RAB3C: variants seen among roughly 807,000 people sequenced by gnomAD.
The protein encoded by RAB3C is ras-related protein Rab-3C.
In RAB3C, 17 loss-of-function variants were observed where a neutral mutation model predicts 26.4. That is an observed-to-expected ratio of 0.64 (90% CI 0.44 to 0.97). The LOEUF is 0.97. Among genes scored for constraint, RAB3C ranks in the 50% least tolerant of loss-of-function variants. The pLI is 0.00. For missense variants in RAB3C, 242 were observed against 281.9 expected (o/e 0.86, Z 1.01); for synonymous variants, 91 against 95.9 (o/e 0.95, Z 0.30).
rs193108890 is a variant in RAB3C at position 58,668,985 on chromosome 5, A to G, written c.252+51115A>G. Among the ~76,000 whole-genome samples, 517 of 152,240 alleles carry G rather than the reference A, an allele frequency of 3.4e-3. 6 individuals carry two copies. Among genetic ancestry groups the G allele is most frequent in the Non-Finnish European group, 4.7e-3 (319 of 68,018 alleles). ...TCCTGGCTTACAGTTGGAGATGGCC[A>G]TCTTCTTGCTGCATACAGAGGAAGA... On this transcript the variant is annotated intron_variant, in intron 2 of 4. Coordinates refer to ENST00000282878, the MANE Select transcript of RAB3C (RefSeq NM_138453.4).
At chr5:58,812,052 C>T (rs1313703674) in intron 3 of RAB3C, among the ~76,000 whole-genome samples, 1 of 152,130 alleles carries the variant, frequency 6.6e-6, no homozygotes, top group Non-Finnish European at 1.5e-5. Flanking sequence ...ACATCATCAA[C>T]AAATAGTAAG....
intron 1 of RAB3C, among the ~76,000 whole-genome samples, chr5:58,583,994 T>A (rs1745961481): frequency 1.3e-5 from 2 of 152,358 alleles, no homozygotes; most frequent in Non-Finnish European, 2.9e-5. Flanking sequence ...TAAGTAAAGA[T>A]GAGTGATAAT....
intron 2 of RAB3C, among the ~76,000 whole-genome samples, chr5:58,693,363 A>ATATATATATATATATATATAT (rs1561291444): frequency 1.1e-5 from 1 of 93,720 alleles, no homozygotes; most frequent in African/African-American, 7.0e-5. Context: ...TATATATATA[A>ATATATATATATATATATATAT]AATTTCTTAA....
At chr5:58,760,592 T>C (rs1374241690) in intron 3 of RAB3C, among the ~76,000 whole-genome samples, 1 of 152,204 alleles carries the variant, frequency 6.6e-6, no homozygotes. Context: ...ATGTAAGCAG[T>C]TGGTATTAAA....
At chr5:58,774,718 T>A (rs1240471282) in intron 3 of RAB3C, among the ~76,000 whole-genome samples, 3 of 152,100 alleles carry the variant, frequency 2.0e-5, no homozygotes, top group Non-Finnish European at 4.4e-5. Flanking sequence ...ATAGGTGACA[T>A]TCAAGCCATG....
chr5:58,659,259 A>G (rs1747846803), intron 2 of RAB3C, among the ~76,000 whole-genome samples: 1 of 152,178 alleles, frequency 6.6e-6, no homozygotes. Flanking sequence ...ATATGTCCAA[A>G]TTATGTGTTT....
chr5:58,843,484 GA>G (rs981281904), intron 4 of RAB3C, among the ~76,000 whole-genome samples: 3 of 152,128 alleles, frequency 2.0e-5, no homozygotes, highest in Non-Finnish European at 4.4e-5. Flanking sequence ...CCATTTCAGA[GA>G]AAAAACTCTT....
chr5:58,700,032 C>A (rs1319550872), intron 2 of RAB3C, among the ~76,000 whole-genome samples: 1 of 152,160 alleles, frequency 6.6e-6, no homozygotes, highest in South Asian at 2.1e-4. Context: ...GCAGAAATCA[C>A]CCATCTTCTC....
intron 2 of RAB3C, among the ~76,000 whole-genome samples, chr5:58,633,151 A>T (rs1185538061): frequency 2.0e-5 from 3 of 152,244 alleles, no homozygotes; most frequent in African/African-American, 7.2e-5. Context: ...ACCTGTTTTC[A>T]GCAGGCTAGG....
chr5:58,804,366 T>C (rs750939365), intron 3 of RAB3C, among the ~76,000 whole-genome samples: 1 of 152,186 alleles, frequency 6.6e-6, no homozygotes, highest in African/African-American at 2.4e-5. Flanking sequence ...CCTCTAATCT[T>C]GCAGAGTCCC....
chr5:58,843,188 T>G (rs148949657), intron 4 of RAB3C, among the ~76,000 whole-genome samples: 1 of 152,362 alleles, frequency 6.6e-6, no homozygotes, highest in East Asian at 1.9e-4. Flanking sequence ...TAAATGTTAG[T>G]TACATTTAAG....
intron 4 of RAB3C, among the ~76,000 whole-genome samples, chr5:58,842,615 C>T (rs879827784): frequency 2.6e-5 from 4 of 152,206 alleles, no homozygotes; most frequent in African/African-American, 4.8e-5. Context: ...AGGAAGTAGC[C>T]ATCCTAAGAA....
chr5:58,659,961 G>T (rs538497242), intron 2 of RAB3C, among the ~76,000 whole-genome samples: 19 of 152,196 alleles, frequency 1.2e-4, no homozygotes, highest in African/African-American at 4.6e-4. Flanking sequence ...ATGCCACCAT[G>T]CCTGGCTAAT....
At chr5:58,642,143 T>C (rs780580188) in intron 2 of RAB3C, among the ~76,000 whole-genome samples, 3 of 152,260 alleles carry the variant, frequency 2.0e-5, no homozygotes, top group African/African-American at 7.2e-5. Flanking sequence ...GAGCTGCATT[T>C]GCTGTCAGCC....
At chr5:58,819,106 A>G (rs1743282297) in intron 3 of RAB3C, among the ~76,000 whole-genome samples, 1 of 152,254 alleles carries the variant, frequency 6.6e-6, no homozygotes, top group Admixed American at 6.5e-5. Context: ...TGGCTGCCCA[A>G]GAGGAGACTA....
intron 1 of RAB3C, among the ~76,000 whole-genome samples, chr5:58,589,549 T>C (rs754791283): frequency 2.6e-5 from 4 of 152,202 alleles, no homozygotes; most frequent in Admixed American, 1.3e-4. Flanking sequence ...GTTTTCTTTC[T>C]GAAAATTTTA....
At chr5:58,605,248 T>A (rs1200757222) in intron 1 of RAB3C, among the ~76,000 whole-genome samples, 1 of 152,064 alleles carries the variant, frequency 6.6e-6, no homozygotes, top group East Asian at 1.9e-4. Flanking sequence ...TTTCTTGCGG[T>A]CAATCTGGAG....
At chr5:58,779,491 C>A (rs184818751) in intron 3 of RAB3C, among the ~76,000 whole-genome samples, 43 of 151,868 alleles carry the variant, frequency 2.8e-4, no homozygotes, top group South Asian at 6.2e-4. Flanking sequence ...CTCAAGGGAT[C>A]CTCCTGTCAC....
chr5:58,689,877 C>T (rs1011191974), intron 2 of RAB3C, among the ~76,000 whole-genome samples: 6 of 152,118 alleles, frequency 3.9e-5, no homozygotes, highest in Non-Finnish European at 7.4e-5. Flanking sequence ...AATAGACAAA[C>T]TGTACTCCAG....
Sources: allele counts gnomAD v4.1 joint callset (sites outside exome capture counted in the v4.1 genomes callset), GRCh38; gene constraint gnomAD v4.1.1; transcripts MANE v1.5; gene names NCBI Gene and HGNC (gene_info 2026-07-23, HGNC 2026-07-21).